VWA3B: variants seen among roughly 807,000 people sequenced by gnomAD.
VWA3B encodes the protein von Willebrand factor A domain containing 3B.
VWA3B carries 138 observed loss-of-function variants against 158.3 expected under a neutral mutation model. That is an observed-to-expected ratio of 0.87 (90% CI 0.76 to 1.00). The LOEUF (loss-of-function observed/expected upper bound fraction) is 1.00, where lower values mean the gene tolerates loss of function less well. Ranked by LOEUF, VWA3B falls within the 50% of genes least tolerant of loss-of-function variation. The probability of loss-of-function intolerance (pLI) is 0.00; values close to 1 mark genes in which losing one functional copy is unlikely to be tolerated. For missense variants in VWA3B, 1,555 were observed against 1,565.1 expected (o/e 0.99, Z 0.11); for synonymous variants, 596 against 587.3 (o/e 1.01, Z -0.21).
intron 3 of VWA3B, among the ~76,000 whole-genome samples, chr2:98,117,748 CT>C (rs35080840): frequency 0.28 from 33,908 of 119,396 alleles, 3,887 homozygotes; most frequent in African/African-American, 0.41. Context: ...CTTAAATTAC[CT>C]TTTTTTTTTT....
intron 19 of VWA3B, among the ~76,000 whole-genome samples, chr2:98,244,298 G>A (rs1327261877): frequency 6.6e-6 from 1 of 152,060 alleles, no homozygotes; most frequent in Non-Finnish European, 1.5e-5. Context: ...TCATTTTCCT[G>A]TATCTCTTTG....
intron 7 of VWA3B, among the ~76,000 whole-genome samples, chr2:98,142,687 A>T (rs1006027741): frequency 6.6e-6 from 1 of 152,210 alleles, no homozygotes; most frequent in African/African-American, 2.4e-5. Flanking sequence ...TTAAACCCTA[A>T]CAGATGGCTC....
chr2:98,166,452 G>A (rs950375693), intron 8 of VWA3B, among the ~76,000 whole-genome samples: 9 of 152,064 alleles, frequency 5.9e-5, no homozygotes, highest in African/African-American at 1.9e-4. Flanking sequence ...AGACACCTGC[G>A]AGCCCTCTCC....
intron 21 of VWA3B, among the ~76,000 whole-genome samples, chr2:98,263,019 T>G (rs868794970): frequency 1.3e-5 from 2 of 151,906 alleles, no homozygotes; most frequent in Non-Finnish European, 2.9e-5. Context: ...TATTCCTAAT[T>G]TGTTCTTTTT....
intron 12 of VWA3B, among the ~76,000 whole-genome samples, chr2:98,199,829 A>G (rs1682377105): frequency 6.6e-6 from 1 of 152,240 alleles, no homozygotes; most frequent in South Asian, 2.1e-4. Flanking sequence ...ATGGTTTCCA[A>G]CAATAAGTTT....
chr2:98,172,756 G>A (rs1484659360), intron 8 of VWA3B, among the ~76,000 whole-genome samples: 1 of 152,202 alleles, frequency 6.6e-6, no homozygotes, highest in Non-Finnish European at 1.5e-5. Flanking sequence ...GAATGCTGGA[G>A]GAGAACTGGG....
intron 23 of VWA3B, chr2:98,291,848 T>G (rs992286497): frequency 5.3e-5 from 8 of 151,962 alleles, no homozygotes; most frequent in African/African-American, 9.7e-5. Flanking sequence ...AGACAGAGAT[T>G]TGGGAGACAT....
intron 9 of VWA3B, among the ~76,000 whole-genome samples, chr2:98,187,020 ATGCCAGG>A (rs1681130011): frequency 6.6e-6 from 1 of 151,868 alleles, no homozygotes; most frequent in Admixed American, 6.6e-5. Flanking sequence ...TTCGACAAGC[ATGCCAGG>A]TGGACTCCCA....
At chr2:98,327,302 CAA>C in the VWA3B span, among the ~76,000 whole-genome samples, 1 of 151,378 alleles carries the variant, frequency 6.6e-6, no homozygotes, top group African/African-American at 2.4e-5. Flanking sequence ...CTAAAACAAA[CAA>C]ACAAAAGATA....
At chr2:98,170,261 G>A (rs1679468919) in intron 8 of VWA3B, among the ~76,000 whole-genome samples, 1 of 152,208 alleles carries the variant, frequency 6.6e-6, no homozygotes, top group Non-Finnish European at 1.5e-5. Context: ...CAGCCATTTT[G>A]TGACTCAGTA....
intron 21 of VWA3B, among the ~76,000 whole-genome samples, chr2:98,266,225 G>A (rs1318524109): frequency 4.6e-5 from 7 of 151,774 alleles, no homozygotes; most frequent in African/African-American, 1.5e-4. Context: ...TTTTGTATAA[G>A]GTGTAAGGAA....
At chr2:98,088,438 C>G (rs1682021648) in intron 1 of VWA3B, among the ~76,000 whole-genome samples, 1 of 152,166 alleles carries the variant, frequency 6.6e-6, no homozygotes, top group African/African-American at 2.4e-5. Flanking sequence ...TAGACGGGGC[C>G]CTTGTACAGT....
chr2:98,306,311 T>C (rs894037988), intron 26 of VWA3B, among the ~76,000 whole-genome samples: 3 of 152,132 alleles, frequency 2.0e-5, no homozygotes, highest in Non-Finnish European at 4.4e-5. Context: ...ACAGGTTCTA[T>C]CTGCCTCTGA....
intron 8 of VWA3B, among the ~76,000 whole-genome samples, chr2:98,171,394 G>A (rs185432182): frequency 6.6e-6 from 1 of 152,298 alleles, no homozygotes; most frequent in East Asian, 1.9e-4. Flanking sequence ...GGTTGAAGAG[G>A]TAAGTTAATG....
intron 7 of VWA3B, among the ~76,000 whole-genome samples, chr2:98,159,665 G>A (rs1310459894): frequency 2.6e-5 from 4 of 152,094 alleles, no homozygotes; most frequent in South Asian, 2.1e-4. Context: ...ATTAGGAACC[G>A]TATCCAGCTT....
At chr2:98,115,046 G>A (rs1355086005) in intron 2 of VWA3B, among the ~76,000 whole-genome samples, 2 of 150,598 alleles carry the variant, frequency 1.3e-5, no homozygotes, top group Admixed American at 6.6e-5. Context: ...ATATCTAAGT[G>A]AAATTTTAAA....
chr2:98,268,765 A>C (rs1260044419), intron 21 of VWA3B, among the ~76,000 whole-genome samples: 1 of 151,950 alleles, frequency 6.6e-6, no homozygotes, highest in Non-Finnish European at 1.5e-5. Context: ...AGATTTAAGC[A>C]TGTGAACATA....
intron 19 of VWA3B, chr2:98,245,317 T>G: frequency 7.3e-6 from 2 of 275,198 alleles, no homozygotes; most frequent in Non-Finnish European, 7.2e-6. Flanking sequence ...AAGCCGGGGG[T>G]GCCATGATTC....
chr2:98,320,565 C>A, the VWA3B span, among the ~76,000 whole-genome samples: 1 of 152,284 alleles, frequency 6.6e-6, no homozygotes, highest in South Asian at 2.1e-4. Context: ...GTGATATGGA[C>A]AATAAAGTCC....
Sources: allele counts gnomAD v4.1 joint callset (sites outside exome capture counted in the v4.1 genomes callset), GRCh38; gene constraint gnomAD v4.1.1; transcripts MANE v1.5; gene names NCBI Gene and HGNC (gene_info 2026-07-23, HGNC 2026-07-21).